Variants in ALG8 observed in about 807,000 individuals in gnomAD.
ALG8 encodes ALG8 alpha-1,3-glucosyltransferase.
ALG8 carries 48 observed loss-of-function variants against 70.2 expected under a neutral mutation model. The observed-to-expected ratio is 0.68, with a 90% CI of 0.54 to 0.87. ALG8 has a LOEUF of 0.87. Ranked by LOEUF, ALG8 falls within the 40% of genes least tolerant of loss-of-function variation. The pLI is 0.00. For synonymous variants in ALG8, 234 were observed against 229.0 expected (o/e 1.02, Z -0.20); for missense variants, 572 against 608.7 (o/e 0.94, Z 0.64).
chr11:78,104,330 T>C, intron 11 of ALG8, 26 bp downstream of exon 11: 2 of 1,541,992 alleles, frequency 1.3e-6, no homozygotes, highest in Non-Finnish European at 1.8e-6. Flanking sequence ...TAGTCAAATA[T>C]ATTTTTCTCA....
intron 5 of ALG8, among the ~76,000 whole-genome samples, chr11:78,116,669 G>A (rs949801352): frequency 1.3e-5 from 2 of 151,998 alleles, no homozygotes; most frequent in Non-Finnish European, 2.9e-5. Flanking sequence ...AGTGTGCTGT[G>A]ACTCCACCAC....
At chr11:78,103,855 AT>A (rs904168537) in intron 12 of ALG8, 124 bp downstream of exon 12, 63 of 552,170 alleles carry the variant, frequency 1.1e-4, no homozygotes, top group African/African-American at 1.3e-4. Flanking sequence ...CTATTTACCA[AT>A]TTTTTTTGTA....
In ALG8 at chr11:78,119,030, G is replaced by A. The variant is rs941490457; in HGVS notation, c.546+152C>T. ...GAAAATTATGGTCAAAAGAGAAGAT[G>A]GAATTTGTGAGAAATACCTAATAAA... is the stretch of plus-strand genomic sequence containing the variant. On this transcript the variant is annotated intron_variant, in intron 5 of 12. Coordinates refer to ENST00000299626, the MANE Select transcript of ALG8 (RefSeq NM_024079.5). The A allele has an allele frequency of 7.2e-4, 463 of 640,734 alleles. 1 individual carries two copies. The highest frequency in any genetic ancestry group is 2.6e-4 in the Non-Finnish European group (93 of 360,120). The allele number at this position is 640,734 out of a possible 1,614,324, so 39.7% of individuals were successfully genotyped here.
chr11:78,123,948 G>T (rs498278), intron 3 of ALG8, 73 bp downstream of exon 3: 12 of 1,514,388 alleles, frequency 7.9e-6, no homozygotes, highest in Non-Finnish European at 1.1e-5. Flanking sequence ...TAAATTGGGA[G>T]TAAGTTAATA....
chr11:78,123,130 AC>A (rs1276596048), intron 3 of ALG8, among the ~76,000 whole-genome samples: 1 of 152,052 alleles, frequency 6.6e-6, no homozygotes, highest in Admixed American at 6.6e-5. Flanking sequence ...ACATGGTGAA[AC>A]CCTGTCTCTA....
In ALG8 at chr11:78,113,861, G is replaced by GAAAAAAA. The variant is rs111652232; in HGVS notation, c.777+18_777+24dup. On this transcript the variant is annotated intron_variant, in intron 7 of 12. Coordinates refer to ENST00000299626, the MANE Select transcript of ALG8 (RefSeq NM_024079.5). Reference sequence around the variant, plus strand: ...CACCAACAAAGAACATGTATTAATTGAAAAAAAAAAAAAAAAAGGCTTACC... The same window carrying GAAAAAAA: ...CACCAACAAAGAACATGTATTAATTGAAAAAAAAAAAAAAAAAAAAAAAAGGCTTACC... 412 of 1,243,014 alleles carry GAAAAAAA rather than the reference G, an allele frequency of 3.3e-4. 1 individual carries two copies. Among genetic ancestry groups the GAAAAAAA allele is most frequent in the South Asian group, 1.4e-3 (95 of 67,726 alleles). 77.0% of individuals were successfully genotyped at this position (1,243,014 alleles called of 1,614,324 possible). A position where few individuals can be genotyped will look rare whatever the true frequency, so the allele number is the denominator to read the frequency against.
intron 3 of ALG8, among the ~76,000 whole-genome samples, chr11:78,123,168 T>C (rs1860899678): frequency 6.6e-6 from 1 of 151,968 alleles, no homozygotes; most frequent in African/African-American, 2.4e-5. Context: ...TAGCCTGCCA[T>C]GGTGGTGTGC....
At chr11:78,123,486 A>C (rs1860924109) in intron 3 of ALG8, among the ~76,000 whole-genome samples, 1 of 152,196 alleles carries the variant, frequency 6.6e-6, no homozygotes, top group South Asian at 2.1e-4. Flanking sequence ...TTAAAATATA[A>C]GCATAACTTA....
intron 1 of ALG8, 82 bp downstream of exon 1, chr11:78,139,412 C>A (rs1861697925): frequency 1.5e-6 from 2 of 1,331,944 alleles, no homozygotes; most frequent in Non-Finnish European, 2.1e-6. Flanking sequence ...TCTTCATACC[C>A]AGGGATATCC....
At position 78,139,622 on chromosome 11, in the gene ALG8, T is replaced by G. The variant is rs375116155; in HGVS notation, c.-34A>C. The G allele has an allele frequency of 3.8e-5, 59 of 1,546,300 alleles. No homozygotes were observed. The Middle Eastern group carries it at 1.3e-3, about 34-fold the overall frequency. ...CACCGCACGCTTCCCACCAACTTGA[T>G]CCACATCCGGGATCCCGCGCATGCG... On this transcript the variant is annotated 5_prime_UTR_variant, in exon 1 of 13. Coordinates refer to ENST00000299626, the MANE Select transcript of ALG8 (RefSeq NM_024079.5).
rs150691312 is a variant in ALG8, at chr11:78,111,175, G to A, written c.898+1475C>T. ...TAATAGTGGCCACCATGCATGGAGC[G>A]TCTACCATGTGCCCAGGGCTCTGCA... is the stretch of plus-strand genomic sequence containing the variant. On this transcript the variant is annotated intron_variant, in intron 8 of 12. Transcript: ENST00000299626. 1.5e-3 allele frequency among the ~76,000 whole-genome samples: 223 copies of A among 152,242 alleles called. 1 individual carries two copies. The highest frequency in any genetic ancestry group is 4.8e-3 in the African/African-American group (198 of 41,556).
chr11:78,125,017 T>C (rs1236650374), intron 2 of ALG8, among the ~76,000 whole-genome samples: 1 of 139,742 alleles, frequency 7.2e-6, no homozygotes, highest in Admixed American at 6.8e-5. Flanking sequence ...TTTTGTTAGA[T>C]TTCTCTCTCA....
chr11:78,137,896 GGA>G (rs1187641920), intron 1 of ALG8, among the ~76,000 whole-genome samples: 2 of 152,188 alleles, frequency 1.3e-5, no homozygotes, highest in African/African-American at 2.4e-5. Flanking sequence ...GTTGCTCAAT[GGA>G]GAGTTACCGC....
At chr11:78,127,301 T>C in intron 2 of ALG8, 57 bp downstream of exon 2, 1 of 1,450,254 alleles carries the variant, frequency 6.9e-7, no homozygotes, top group Non-Finnish European at 9.6e-7. Flanking sequence ...ATATCAGTAA[T>C]ATTTACCTAG....
chr11:78,122,520 T>C (rs571394302), intron 3 of ALG8, among the ~76,000 whole-genome samples: 2 of 152,172 alleles, frequency 1.3e-5, no homozygotes, highest in Admixed American at 1.3e-4. Flanking sequence ...TTTTGTATTT[T>C]TAGTAGAGGC....
intron 1 of ALG8, among the ~76,000 whole-genome samples, chr11:78,130,361 A>AAAAAAAAAAGAAAAGAAAG (rs928560857): frequency 1.1e-4 from 15 of 132,636 alleles, no homozygotes; most frequent in African/African-American, 4.7e-4. Context: ...AAAAAAAAAA[A>AAAAAAAAAAGAAAAGAAAG]AAAAAAGGTG....
At chr11:78,107,512 C>T (rs1436765090) in intron 9 of ALG8, among the ~76,000 whole-genome samples, 1 of 149,170 alleles carries the variant, frequency 6.7e-6, no homozygotes, top group Non-Finnish European at 1.5e-5. Context: ...AGCCACCGCA[C>T]CTAGCCTTGA....
At chr11:78,127,040 C>T (rs926069799) in intron 2 of ALG8, among the ~76,000 whole-genome samples, 11 of 151,496 alleles carry the variant, frequency 7.3e-5, no homozygotes, top group Non-Finnish European at 1.3e-4. Context: ...AGTGCAGTGG[C>T]GCGATCTCGG....
In ALG8 at chr11:78,120,914, CAG is replaced by C. The variant is rs1210650729; in HGVS notation, c.478+149_478+150del. 8 of 708,092 alleles carry C rather than the reference CAG, an allele frequency of 1.1e-5. No individual in the cohort carries two copies. The Admixed American group carries it at 1.9e-4, about 17-fold the overall frequency. The allele number at this position is 708,092 out of a possible 1,614,324, so 43.9% of individuals were successfully genotyped here. A position where few individuals can be genotyped will look rare whatever the true frequency, so the allele number is the denominator to read the frequency against. ...AACCTCAGAGTCCAGTGAAGTTGGG[CAG>C]AGACCACAGTTAAGTGAGCCTACTA... On this transcript the variant is annotated intron_variant, in intron 4 of 12. Coordinates refer to ENST00000299626, the MANE Select transcript of ALG8 (RefSeq NM_024079.5).
Sources: gnomAD v4.1 joint callset for allele counts (sites outside exome capture counted in the v4.1 genomes callset) on GRCh38, gnomAD v4.1.1 for gene constraint, MANE v1.5 for transcripts, NCBI Gene and HGNC (gene_info 2026-07-23, HGNC 2026-07-21) for gene names.